Variants in KIF13A observed in about 807,000 individuals in gnomAD.
The protein encoded by KIF13A is kinesin family member 13A, also known as kinesin-like protein KIF13A.
A neutral mutation model predicts 212.2 loss-of-function variants in KIF13A; 79 were observed. The observed-to-expected ratio is 0.37, with a 90% CI of 0.31 to 0.45. The LOEUF is 0.45. KIF13A is among the 20% of genes least tolerant of loss of function. KIF13A has a pLI of 1.00. For synonymous variants in KIF13A, 789 were observed against 808.6 expected, an observed-to-expected ratio of 0.98 and a Z score of 0.41; for missense variants, 1,901 against 2,209.0, an observed-to-expected ratio of 0.86 and a Z score of 2.79.
intron 2 of KIF13A, among the ~76,000 whole-genome samples, chr6:17,949,135 T>C (rs1392893518): frequency 2.6e-5 from 4 of 152,156 alleles, no homozygotes; most frequent in Non-Finnish European, 5.9e-5. Flanking sequence ...CCACTATACA[T>C]CATAGCTCAT....
intron 25 of KIF13A, among the ~76,000 whole-genome samples, chr6:17,792,529 G>A (rs749321690): frequency 2.6e-5 from 4 of 152,148 alleles, no homozygotes; most frequent in South Asian, 2.1e-4. Context: ...TCTTTCGACC[G>A]TGCAGCCACG....
intron 23 of KIF13A, among the ~76,000 whole-genome samples, chr6:17,795,427 A>C (rs1761943107): frequency 6.8e-6 from 1 of 147,206 alleles, no homozygotes; most frequent in East Asian, 2.0e-4. Context: ...TACCAAAAAT[A>C]CAAAAAAAAA....
intron 17 of KIF13A, among the ~76,000 whole-genome samples, chr6:17,813,028 A>G (rs774360585): frequency 2.0e-5 from 3 of 152,210 alleles, no homozygotes; most frequent in Admixed American, 1.3e-4. Flanking sequence ...GTAAATAGAA[A>G]GGATATCAAT....
Position 17,987,293 on chromosome 6 carries a change from C to CCG in KIF13A, c.55+115_55+116insCG. ...GGCACCACGGCCAGCGCGGACGCCG[C>CCG]CTCCGCCCCGGCCCCCCGGCCCCGG... On this transcript the variant is annotated intron_variant, in intron 1 of 38. Coordinates refer to ENST00000259711, the MANE Select transcript of KIF13A (RefSeq NM_022113.6). This position sits in a 1 kb window ranked among gnomAD's most constrained non-coding sequence, Gnocchi z 7.7. The CCG allele has an allele frequency of 2.3e-6, 2 of 881,594 alleles. No individual in the cohort carries two copies. The highest frequency in any genetic ancestry group is 2.9e-6 in the Non-Finnish European group (2 of 683,038). The allele number at this position is 881,594 out of a possible 1,614,324, so 54.6% of individuals were successfully genotyped here.
Position 17,771,132 on chromosome 6 carries a change from G to A in KIF13A, c.4563C>T (p.Ser1521=). 1.2e-6 allele frequency: 2 copies of A among 1,611,112 alleles called. No homozygotes were observed. The highest frequency in any genetic ancestry group is 2.2e-5 in the South Asian group (2 of 90,734). Residue 1521 remains serine, a synonymous_variant, in exon 38 of 39, where the codon AGC becomes AGT. Coordinates refer to ENST00000259711, the MANE Select transcript of KIF13A (RefSeq NM_022113.6). This position sits in a 1 kb window ranked among gnomAD's most constrained non-coding sequence, Gnocchi z 5.4. ...NGSSMPVEHN[S]KREKKIDSEE... is the part of the protein sequence containing the mutation. ...AACTTACAATCTTCTTCTCACGTTT[G>A]CTATTGTGTTCTACTGGCATGCTGC...
At chr6:17,767,487 T>C (rs1163292359) in intron 38 of KIF13A, among the ~76,000 whole-genome samples, 6 of 152,192 alleles carry the variant, frequency 3.9e-5, no homozygotes, top group African/African-American at 1.4e-4. Flanking sequence ...ACTCCTGACC[T>C]CAGGCGATCT....
chr6:17,800,538 G>C (rs10949446), intron 20 of KIF13A, among the ~76,000 whole-genome samples: 26,143 of 151,198 alleles, frequency 0.17, 2,565 homozygotes, highest in Admixed American at 0.26. Context: ...CTGAGTTCAA[G>C]CGATTCTCCT....
At chr6:17,953,028 A>G (rs1266481764) in intron 2 of KIF13A, among the ~76,000 whole-genome samples, 1 of 152,146 alleles carries the variant, frequency 6.6e-6, no homozygotes, top group African/African-American at 2.4e-5. Flanking sequence ...TATAACAGGA[A>G]TATATTAATG....
chr6:17,852,625 C>T (rs1767767066), intron 6 of KIF13A, among the ~76,000 whole-genome samples: 1 of 152,082 alleles, frequency 6.6e-6, no homozygotes, highest in Non-Finnish European at 1.5e-5. Context: ...ACTATTCTGC[C>T]CAAGCTGGTC....
rs1256987110 is a variant in KIF13A at position 17,871,225 on chromosome 6, C to T, written c.220+2152G>A. Among the ~76,000 whole-genome samples the T allele has an allele frequency of 6.6e-6, 1 of 152,078 alleles. No individual in the cohort carries two copies. The highest frequency in any genetic ancestry group is 1.5e-5 in the Non-Finnish European group (1 of 68,014). ...TCCCTTGTGGAATGGCTGAATCAGGCGATTTAATGTATGTGTTGTCTCAAA... is the reference window on the plus strand; with the variant it reads ...TCCCTTGTGGAATGGCTGAATCAGGTGATTTAATGTATGTGTTGTCTCAAA... On this transcript the variant is annotated intron_variant, in intron 4 of 38. Transcript: ENST00000259711. This position sits in a 1 kb window ranked among gnomAD's most constrained non-coding sequence, Gnocchi z 4.4.
At chr6:17,868,614 A>C (rs1465726564) in intron 4 of KIF13A, among the ~76,000 whole-genome samples, 1 of 152,020 alleles carries the variant, frequency 6.6e-6, no homozygotes, top group Non-Finnish European at 1.5e-5. Flanking sequence ...GAAGCAAAAA[A>C]AAAATTTTTG....
In KIF13A at chr6:17,837,463, A is replaced by C. The variant is rs1278567813; in HGVS notation, c.942+9T>G. 1 of 1,581,706 alleles carries C rather than the reference A, an allele frequency of 6.3e-7. No homozygotes were observed. The highest frequency in any genetic ancestry group is 1.1e-5 in the South Asian group (1 of 87,568). The stretch of plus-strand genomic sequence containing the variant: ...TTAGTTGGAAAAGAACACTAGAGCA[A>C]TGGATTACCTTAAGCAGCCAAGTGA... On this transcript the variant is annotated intron_variant, in intron 10 of 38. Transcript: ENST00000259711. The surrounding 1 kb of genome is among the most constrained non-coding windows in gnomAD (Gnocchi z 5.4).
At chr6:17,792,829 C>A (rs1226759194) in intron 25 of KIF13A, among the ~76,000 whole-genome samples, 1 of 152,178 alleles carries the variant, frequency 6.6e-6, no homozygotes, top group Admixed American at 6.6e-5. Context: ...AGAGACTTTG[C>A]CTGAAAGCCA....
rs777707516 is a variant in KIF13A at position 17,828,642 on chromosome 6, A to C, written c.1402-272T>G. ...ACAGGAAATTGGACTTGACAGTAGA[A>C]TACTTTGAGTTTCAATTGTGACTTG... On this transcript the variant is annotated intron_variant, in intron 13 of 38. Coordinates refer to ENST00000259711, the MANE Select transcript of KIF13A (RefSeq NM_022113.6). The surrounding 1 kb of genome is among the most constrained non-coding windows in gnomAD (Gnocchi z 4.3). Among the ~76,000 whole-genome samples, 2 of 152,212 alleles carry C rather than the reference A, an allele frequency of 1.3e-5. No individual in the cohort carries two copies. The highest frequency in any genetic ancestry group is 2.4e-5 in the African/African-American group (1 of 41,464).
chr6:17,803,557 G>C (rs1255963493), intron 20 of KIF13A, among the ~76,000 whole-genome samples: 6 of 152,090 alleles, frequency 3.9e-5, no homozygotes, highest in African/African-American at 1.2e-4. Flanking sequence ...GCCTACCTAG[G>C]CCACTATATC....
rs148101482 is a variant in KIF13A, at chr6:17,919,631, C to A, written c.147-21451G>T. ...GCACTCAGTGGCTGCTTTACCTACC[C>A]TGATTTGACCTGTTCTATTATCTAG... On this transcript the variant is annotated intron_variant, in intron 2 of 38. Transcript: ENST00000259711. The surrounding 1 kb of genome is among the most constrained non-coding windows in gnomAD (Gnocchi z 4.1). 9.7e-4 allele frequency among the ~76,000 whole-genome samples: 147 copies of A among 152,316 alleles called. No homozygotes were observed. In the South Asian group the frequency reaches 0.01, roughly 11 times the overall value.
intron 2 of KIF13A, among the ~76,000 whole-genome samples, chr6:17,955,492 T>G (rs759587080): frequency 1.2e-4 from 19 of 152,330 alleles, no homozygotes; most frequent in Non-Finnish European, 2.8e-4. Flanking sequence ...AAGTAAAATC[T>G]TCCCTATAAT....
rs2150397602 is a variant in KIF13A, at chr6:17,849,413, G to C, written c.794C>G (p.Ala265Gly). Residue 265 changes from alanine to glycine, a missense_variant, in exon 9 of 39, where the codon GCA becomes GGA. This residue lies in a region of KIF13A where 506 missense variants were observed against 637.4 expected (regional missense o/e 0.79). Coordinates refer to ENST00000259711, the MANE Select transcript of KIF13A (RefSeq NM_022113.6). This position sits in a 1 kb window ranked among gnomAD's most constrained non-coding sequence, Gnocchi z 5.7. ...GSERVSKTGA[A>G]GERLKEGSNI... ...GCTGCCTTCTTTCAGTCGCTCTCCT[G>C]CAGCTCCTGTTTTAGATACTCTTTC... 6.2e-7 allele frequency: 1 copy of C among 1,613,506 alleles called. No homozygotes were observed. The highest frequency in any genetic ancestry group is 1.1e-5 in the South Asian group (1 of 90,966).
chr6:17,977,690 T>C (rs1561832061), intron 2 of KIF13A, among the ~76,000 whole-genome samples: 1 of 152,092 alleles, frequency 6.6e-6, no homozygotes, highest in East Asian at 1.9e-4. Context: ...ACTGATTTGT[T>C]TTTATTTGTT....
Sources: allele counts gnomAD v4.1 joint callset (sites outside exome capture counted in the v4.1 genomes callset), GRCh38; gene constraint gnomAD v4.1.1; regional missense constraint gnomAD v4.1.1; non-coding constraint Gnocchi (gnomAD v3.1); transcripts MANE v1.5; gene names NCBI Gene and HGNC (gene_info 2026-07-23, HGNC 2026-07-21).